The following OR2AT4 variants were observed in gnomAD, a reference collection of about 807,000 sequenced individuals.
OR2AT4 encodes olfactory receptor family 2 subfamily AT member 4.
In OR2AT4, 6 loss-of-function variants were observed where a neutral mutation model predicts 10.3. The ratio of observed to expected loss-of-function variants is 0.58; its 90% CI spans 0.32 to 1.15. The LOEUF is 1.15. Ranked by LOEUF, OR2AT4 falls within the 50% of genes most tolerant of loss-of-function variation. The pLI, the probability that OR2AT4 is intolerant of heterozygous loss-of-function variation, is 0.05. For missense variants in OR2AT4, 354 were observed against 393.8 expected, an observed-to-expected ratio of 0.90 and a Z score of 0.85; for synonymous variants, 145 against 159.1, an observed-to-expected ratio of 0.91 and a Z score of 0.67.
exon 2 of OR2AT4, chr11:75,089,778 G>A (rs2140279496): frequency 3.4e-6 from 5 of 1,474,332 alleles, no homozygotes; most frequent in Non-Finnish European, 4.6e-6. Context: ...GAAACATCTG[G>A]AAACCATAGA....
intron 1 of OR2AT4, among the ~76,000 whole-genome samples, chr11:75,094,234 C>T (rs1232144074): frequency 1.3e-5 from 2 of 151,936 alleles, no homozygotes; most frequent in Non-Finnish European, 2.9e-5. Flanking sequence ...CTCTAACCCC[C>T]AGAGCAGCAT....
At chr11:75,093,965 G>A (rs898295598) in intron 1 of OR2AT4, among the ~76,000 whole-genome samples, 1 of 151,562 alleles carries the variant, frequency 6.6e-6, no homozygotes, top group Non-Finnish European at 1.5e-5. Context: ...TGGGATTACA[G>A]GCATGTGCCA....
At chr11:75,089,922 T>C in exon 2 of OR2AT4, 1 of 523,088 alleles carries the variant, frequency 1.9e-6, no homozygotes, top group East Asian at 2.9e-5. Context: ...GCAAAATTTG[T>C]CAAATATTGA....
intron 1 of OR2AT4, among the ~76,000 whole-genome samples, chr11:75,096,523 A>G (rs1338835148): frequency 6.6e-6 from 1 of 152,092 alleles, no homozygotes; most frequent in Non-Finnish European, 1.5e-5. Flanking sequence ...CTTTCCTCCA[A>G]TGGACTGCAA....
At chr11:75,093,562 T>C (rs962596063) in intron 1 of OR2AT4, among the ~76,000 whole-genome samples, 1 of 152,176 alleles carries the variant, frequency 6.6e-6, no homozygotes, top group African/African-American at 2.4e-5. Flanking sequence ...CTCTACTCTG[T>C]TGGGGATGTC....
intron 1 of OR2AT4, among the ~76,000 whole-genome samples, chr11:75,093,798 CTTTT>C (rs1949331945): frequency 2.3e-5 from 2 of 87,796 alleles, no homozygotes; most frequent in Non-Finnish European, 4.3e-5. Context: ...TCTTTTTTTT[CTTTT>C]TCTTTTTCTT....
At chr11:75,088,737 G>C in exon 2 of OR2AT4, 1 of 1,542,666 alleles carries the variant, frequency 6.5e-7, no homozygotes, top group African/African-American at 1.4e-5. Flanking sequence ...AGCAGAGTTA[G>C]CTGCATTTAA....
At chr11:75,090,062 T>G in exon 2 of OR2AT4, 1 of 224,076 alleles carries the variant, frequency 4.5e-6, no homozygotes, top group Non-Finnish European at 8.8e-6. Context: ...GAAAATCAGA[T>G]CTAAACAGTT....
intron 1 of OR2AT4, among the ~76,000 whole-genome samples, chr11:75,093,472 C>T (rs191902591): frequency 6.6e-6 from 1 of 152,280 alleles, no homozygotes; most frequent in Non-Finnish European, 1.5e-5. Context: ...GGTTGTTCTC[C>T]CCCTGTCAAG....
intron 1 of OR2AT4, among the ~76,000 whole-genome samples, chr11:75,090,602 C>G (rs1251725747): frequency 6.6e-6 from 1 of 152,118 alleles, no homozygotes; most frequent in Non-Finnish European, 1.5e-5. Flanking sequence ...AGACTTGGAC[C>G]AGGCAGAGAG....
At chr11:75,089,957 A>G (rs1176340934) in exon 2 of OR2AT4, 2 of 484,818 alleles carry the variant, frequency 4.1e-6, no homozygotes, top group Admixed American at 7.2e-5. Context: ...ATAACCAACC[A>G]AATAGAAGTC....
intron 1 of OR2AT4, among the ~76,000 whole-genome samples, chr11:75,096,440 A>T (rs1242295719): frequency 1.3e-5 from 2 of 152,234 alleles, no homozygotes; most frequent in Non-Finnish European, 2.9e-5. Flanking sequence ...ATATACGTGA[A>T]GCACAGAATC....
Position 75,095,294 on chromosome 11 carries a change from T to C in OR2AT4, c.-652+1534A>G, listed in dbSNP as rs111363054. Among the ~76,000 whole-genome samples, 646 of 152,324 alleles carry C rather than the reference T, an allele frequency of 4.2e-3. 2 individuals carry two copies. The highest frequency in any genetic ancestry group is 0.014 in the Middle Eastern group (4 of 294). On this transcript the variant is annotated intron_variant, in intron 1 of 1. Coordinates refer to ENST00000641504, the Ensembl canonical transcript of OR2AT4. ...CAAAGCCTGTCTTCTTGCAGCCTTG[T>C]TTCTCCTTATTCTAGTCAAATGGCA...
intron 1 of OR2AT4, among the ~76,000 whole-genome samples, chr11:75,093,448 G>T (rs1432212582): frequency 2.0e-5 from 3 of 152,240 alleles, no homozygotes; most frequent in Non-Finnish European, 4.4e-5. Context: ...AAAGGCAGAA[G>T]ACCCCATTCT....
At chr11:75,094,403 G>A (rs1949336177) in intron 1 of OR2AT4, among the ~76,000 whole-genome samples, 1 of 152,164 alleles carries the variant, frequency 6.6e-6, no homozygotes, top group Non-Finnish European at 1.5e-5. Context: ...CCTAAGTGTG[G>A]GGTGGGCTGG....
chr11:75,087,372 A>T (rs1371681680), exon 2 of OR2AT4: 1 of 152,224 alleles, frequency 6.6e-6, no homozygotes, highest in African/African-American at 2.4e-5. Flanking sequence ...GGTTATACGA[A>T]CATATAATTT....
chr11:75,093,619 CATT>C (rs1949330774), intron 1 of OR2AT4, among the ~76,000 whole-genome samples: 1 of 152,108 alleles, frequency 6.6e-6, no homozygotes, highest in African/African-American at 2.4e-5. Flanking sequence ...ATGTTTACAT[CATT>C]GTCTCTTGAC....
exon 2 of OR2AT4, chr11:75,088,635 A>G: frequency 9.5e-7 from 1 of 1,047,586 alleles, no homozygotes; most frequent in Non-Finnish European, 1.3e-6. Context: ...ATTTTATACA[A>G]CAACTTAAGA....
At chr11:75,086,600 A>T (rs1425040367) in exon 2 of OR2AT4, 1 of 152,230 alleles carries the variant, frequency 6.6e-6, no homozygotes, top group Admixed American at 6.5e-5. Flanking sequence ...ACAATTAGTC[A>T]TAGGGAAATG....
Sources: allele counts gnomAD v4.1 joint callset (sites outside exome capture counted in the v4.1 genomes callset), GRCh38; gene constraint gnomAD v4.1.1; transcripts MANE v1.5; gene names NCBI Gene and HGNC (gene_info 2026-07-23, HGNC 2026-07-21).